The following M1AP variants were observed in gnomAD, a reference collection of about 807,000 sequenced individuals.
The protein encoded by M1AP is meiosis 1 associated protein.
M1AP carries 39 observed loss-of-function variants against 51.2 expected under a neutral mutation model. The ratio of observed to expected loss-of-function variants is 0.76; its 90% CI spans 0.59 to 1.00. The LOEUF (loss-of-function observed/expected upper bound fraction) is 1.00. Ranked by LOEUF, M1AP falls within the 50% of genes least tolerant of loss-of-function variation. The probability of loss-of-function intolerance (pLI) is 0.00; values close to 1 mark genes in which losing one functional copy is unlikely to be tolerated. For missense variants in M1AP, 545 were observed against 641.2 expected, an observed-to-expected ratio of 0.85 and a Z score of 1.62; for synonymous variants, 251 against 249.2, an observed-to-expected ratio of 1.01 and a Z score of -0.07.
At chr2:74,593,001 C>T (rs1558666080) in intron 4 of M1AP, among the ~76,000 whole-genome samples, 1 of 152,158 alleles carries the variant, frequency 6.6e-6, no homozygotes, top group East Asian at 1.9e-4. Flanking sequence ...AACTAATGCT[C>T]TAGTGCTGGG....
At position 74,648,330 on chromosome 2, in the gene M1AP, C is replaced by G. The variant is rs547118138; in HGVS notation, c.-118G>C. On this transcript the variant is annotated 5_prime_UTR_variant, in exon 1 of 11. Transcript: ENST00000421985. ...GGCTCTCAGCGTGCGCCCGCGCGTTCGGAGGCGCCCCCCTCAGGCCGGCGC... is the reference window on the plus strand; with the variant it reads ...GGCTCTCAGCGTGCGCCCGCGCGTTGGGAGGCGCCCCCCTCAGGCCGGCGC... 1.5e-4 allele frequency: 152 copies of G among 985,566 alleles called. No individual in the cohort carries two copies. In the African/African-American group the frequency reaches 2.6e-3, roughly 17 times the overall value. The allele number at this position is 985,566 out of a possible 1,614,324, so 61.1% of individuals were successfully genotyped here. A position where few individuals can be genotyped will look rare whatever the true frequency, so the allele number is the denominator to read the frequency against.
chr2:74,563,462 G>A (rs1678165894), intron 7 of M1AP, among the ~76,000 whole-genome samples: 1 of 152,078 alleles, frequency 6.6e-6, no homozygotes, highest in African/African-American at 2.4e-5. Flanking sequence ...AGCTGGACGT[G>A]GTGGCGCATG....
intron 5 of M1AP, 49 bp from the exon 6 acceptor site, chr2:74,576,667 G>A (rs1443329954): frequency 6.3e-7 from 1 of 1,591,234 alleles, no homozygotes; most frequent in East Asian, 2.2e-5. Flanking sequence ...TTGGAGGAAG[G>A]ATTGTGGGTA....
At chr2:74,623,376 T>G (rs955998967) in intron 2 of M1AP, among the ~76,000 whole-genome samples, 3 of 151,916 alleles carry the variant, frequency 2.0e-5, no homozygotes, top group Non-Finnish European at 4.4e-5. Context: ...TGGTGACCCG[T>G]GCCTGTAGTT....
intron 2 of M1AP, among the ~76,000 whole-genome samples, chr2:74,625,755 T>C (rs905674854): frequency 6.6e-6 from 1 of 152,210 alleles, no homozygotes; most frequent in Non-Finnish European, 1.5e-5. Context: ...AGTGACTTCA[T>C]AGCCCTGCCT....
At chr2:74,604,278 A>G (rs1471608886) in intron 4 of M1AP, among the ~76,000 whole-genome samples, 3 of 152,018 alleles carry the variant, frequency 2.0e-5, no homozygotes, top group African/African-American at 4.8e-5. Flanking sequence ...CTCCTTTTTG[A>G]GTGGCCCTTT....
At chr2:74,590,872 G>A (rs1393704631) in intron 4 of M1AP, among the ~76,000 whole-genome samples, 2 of 152,200 alleles carry the variant, frequency 1.3e-5, no homozygotes, top group African/African-American at 4.8e-5. Flanking sequence ...TGTACCCACA[G>A]CACTAGCGCA....
intron 2 of M1AP, among the ~76,000 whole-genome samples, chr2:74,621,368 C>A (rs966550943): frequency 2.0e-5 from 3 of 152,098 alleles, no homozygotes; most frequent in Non-Finnish European, 4.4e-5. Flanking sequence ...ACAACTGATC[C>A]AGCCGGGCCT....
chr2:74,569,595 G>C (rs1228377427), intron 7 of M1AP, among the ~76,000 whole-genome samples: 3 of 152,006 alleles, frequency 2.0e-5, no homozygotes, highest in African/African-American at 7.2e-5. Context: ...GGCTGGTCTT[G>C]AACTCCTAAC....
chr2:74,641,566 T>G (rs1443737884), intron 1 of M1AP, among the ~76,000 whole-genome samples: 1 of 152,040 alleles, frequency 6.6e-6, no homozygotes, highest in African/African-American at 2.4e-5. Flanking sequence ...TAATCAAATA[T>G]CTTCCCACAA....
chr2:74,594,153 C>A (rs1680196764), intron 4 of M1AP, among the ~76,000 whole-genome samples: 1 of 152,122 alleles, frequency 6.6e-6, no homozygotes, highest in Non-Finnish European at 1.5e-5. Context: ...AGTTAATTTT[C>A]TGAAAAATCA....
chr2:74,605,802 G>A (rs1166850565), intron 4 of M1AP, among the ~76,000 whole-genome samples: 1 of 151,886 alleles, frequency 6.6e-6, no homozygotes, highest in Non-Finnish European at 1.5e-5. Context: ...TCAGGAGGCC[G>A]AGGCAGGAGA....
At chr2:74,632,313 C>A (rs970832850) in intron 2 of M1AP, among the ~76,000 whole-genome samples, 1 of 152,224 alleles carries the variant, frequency 6.6e-6, no homozygotes, top group Non-Finnish European at 1.5e-5. Context: ...GGATTCAGAA[C>A]CCCTAGCTGG....
At position 74,560,166 on chromosome 2, in the gene M1AP, GCT is replaced by G; in HGVS notation, c.1405_1406del (p.Ser469ProfsTer95). ...GGAGCGGTACCTTTCTCGGAGCTCG[GCT>G]CTCCCAGTGTGGGTGGAGCCGCCCC... ...PQGRLHPHWE[S>X]RAPRKHPCKT... On this transcript the variant is annotated frameshift_variant, in exon 9 of 11. Coordinates refer to ENST00000421985, the MANE Select transcript of M1AP (RefSeq NM_001321739.2). LOFTEE classifies it low-confidence loss of function (END_TRUNC). The G allele has an allele frequency of 6.2e-7, 1 of 1,613,948 alleles. No individual in the cohort carries two copies. Among genetic ancestry groups the G allele is most frequent in the Non-Finnish European group, 8.5e-7 (1 of 1,179,990 alleles).
At chr2:74,630,833 C>A (rs1207584930) in intron 2 of M1AP, among the ~76,000 whole-genome samples, 1 of 152,120 alleles carries the variant, frequency 6.6e-6, no homozygotes, top group African/African-American at 2.4e-5. Context: ...GATTTATATT[C>A]ATTTGGGTAT....
At chr2:74,628,831 C>T (rs75907511) in intron 2 of M1AP, 157 of 458,770 alleles carry the variant, frequency 3.4e-4, no homozygotes, top group Non-Finnish European at 5.6e-4. Flanking sequence ...AAGTGGAAAA[C>T]GATACCACTG....
chr2:74,560,208 G>A lies in M1AP; in HGVS notation c.1365C>T (p.Ile455=), dbSNP rs1558642752. ...GGAGCCGCCCCTGAGGCTTGGCATA[G>A]ATGCTGCTCAGGTGTGAGTACAGGT... ...QSHLYSHLSS[I]YAKPQGRLHP... The change falls in exon 9 of 11, where the codon ATC becomes ATT. Residue 455 remains isoleucine, a synonymous_variant. Transcript: ENST00000421985. 6.2e-7 allele frequency: 1 copy of A among 1,614,024 alleles called. No individual in the cohort carries two copies. The highest frequency in any genetic ancestry group is 8.5e-7 in the Non-Finnish European group (1 of 1,179,994).
intron 4 of M1AP, among the ~76,000 whole-genome samples, chr2:74,598,381 C>CAATAAATAAATAAATA (rs112411965): frequency 0.018 from 2,645 of 149,256 alleles, 92 homozygotes; most frequent in African/African-American, 0.064. Context: ...GACTCCATGT[C>CAATAAATAAATAAATA]AATAAATAAA....
At position 74,576,526 on chromosome 2, in the gene M1AP, C is replaced by A; in HGVS notation, c.862G>T (p.Gly288Ter). Residue 288 changes from glycine to a stop codon, truncating the protein, a stop_gained, in exon 6 of 11, where the codon GGA becomes TGA. Transcript: ENST00000421985. LOFTEE classifies it high-confidence loss of function. ...ATCTGGTAGAGTGTGATGAAGTCTCCTTTAGGGTCATCCATTCTCAAGGAG... is the reference window on the plus strand; with the variant it reads ...ATCTGGTAGAGTGTGATGAAGTCTCATTTAGGGTCATCCATTCTCAAGGAG... ...DGSLRMDDPK[G>*]DFITLYQMAS... The A allele has an allele frequency of 6.2e-7, 1 of 1,614,090 alleles. No homozygotes were observed. The highest frequency in any genetic ancestry group is 8.5e-7 in the Non-Finnish European group (1 of 1,179,984).
Sources: allele counts gnomAD v4.1 joint callset (sites outside exome capture counted in the v4.1 genomes callset), GRCh38; gene constraint gnomAD v4.1.1; transcripts MANE v1.5; gene names NCBI Gene and HGNC (gene_info 2026-07-23, HGNC 2026-07-21).